The following TNIK variants were observed in gnomAD, a reference collection of about 807,000 sequenced individuals.
The protein encoded by TNIK is TRAF2 and NCK-interacting protein kinase.
Under a neutral mutation model 191.3 loss-of-function variants are expected in TNIK, and 49 were observed. The ratio of observed to expected loss-of-function variants is 0.26; its 90% CI spans 0.20 to 0.32. The LOEUF (loss-of-function observed/expected upper bound fraction) is 0.32. TNIK is among the 10% of genes least tolerant of loss of function. The pLI, the probability that TNIK is intolerant of heterozygous loss-of-function variation, is 1.00. For missense variants in TNIK, 1,155 were observed against 1,702.3 expected, an observed-to-expected ratio of 0.68 and a Z score of 5.66; for synonymous variants, 594 against 600.9, an observed-to-expected ratio of 0.99 and a Z score of 0.17.
Position 171,161,295 on chromosome 3 carries a change from C to G in TNIK, c.991G>C (p.Glu331Gln). 6.2e-7 allele frequency: 1 copy of G among 1,613,396 alleles called. No homozygotes were observed. The highest frequency in any genetic ancestry group is 8.5e-7 in the Non-Finnish European group (1 of 1,179,468). ...YEYSGSEEEE[E>Q]ENDSGEPSSI... ...CTGGGCTCTCCTGAGTCATTCTCCT[C>G]CTCTTCTTCCTCACTTCCACTGTAC... Residue 331 changes from glutamate (E) to glutamine (Q), a missense_variant, in exon 11 of 33, where the codon GAG (glutamate) becomes CAG (glutamine). Glu to Gln is a conservative substitution (Grantham distance 29). Coordinates refer to ENST00000436636, the MANE Select transcript of TNIK (RefSeq NM_015028.4).
At position 171,157,494 on chromosome 3, in the gene TNIK, T is replaced by C. The variant is rs570387939; in HGVS notation, c.1187A>G (p.Glu396Gly). 1 of 1,574,598 alleles carries C rather than the reference T, an allele frequency of 6.4e-7. No individual in the cohort carries two copies. Among genetic ancestry groups the C allele is most frequent in the African/African-American group, 1.4e-5 (1 of 74,000 alleles). Reference protein sequence around the residue: ...QLLAERQKRIEEQKEQRRRLE... With the variant: ...QLLAERQKRIGEQKEQRRRLE... ...CCGCCGCCTCTGCTCTTTCTGCTCC[T>C]CGATGCGCTTCTGACGCTCGGCCAG... The change falls in exon 12 of 33, where the codon GAG (glutamate) becomes GGG (glycine). Residue 396 changes from glutamate (E) to glycine (G), a missense_variant. Physicochemically the swap from Glu to Gly is moderately conservative, Grantham distance 98. This residue lies in a region of TNIK where 735 missense variants were observed against 848.0 expected (regional missense o/e 0.87). Transcript: ENST00000436636.
intron 1 of TNIK, among the ~76,000 whole-genome samples, chr3:171,439,047 GT>G (rs1726405015): frequency 6.6e-6 from 1 of 152,184 alleles, no homozygotes; most frequent in African/African-American, 2.4e-5. Context: ...TACATTTCAT[GT>G]TTTAAAATCG....
intron 2 of TNIK, among the ~76,000 whole-genome samples, chr3:171,339,438 T>C (rs983618756): frequency 6.6e-6 from 1 of 152,198 alleles, no homozygotes; most frequent in African/African-American, 2.4e-5. Context: ...ATCCAGTTCC[T>C]CTAGAACCAG....
chr3:171,242,147 T>C (rs1745068101), intron 2 of TNIK, among the ~76,000 whole-genome samples: 3 of 135,728 alleles, frequency 2.2e-5, no homozygotes, highest in Non-Finnish European at 4.8e-5. Flanking sequence ...ATTTGTACCC[T>C]AGAACTTAAA....
chr3:171,207,424 C>G (rs944566486), intron 4 of TNIK, among the ~76,000 whole-genome samples: 12 of 152,080 alleles, frequency 7.9e-5, no homozygotes, highest in Admixed American at 6.5e-4. Context: ...GTCTCAGACT[C>G]TTGGGCTCAA....
chr3:171,161,391 G>C, intron 10 of TNIK, 55 bp from the exon 11 acceptor site: 1 of 1,515,522 alleles, frequency 6.6e-7, no homozygotes, highest in Non-Finnish European at 9.1e-7. Context: ...GCTCAGTAAA[G>C]CCCAACCCCG....
chr3:171,313,953 A>C, intron 2 of TNIK, among the ~76,000 whole-genome samples: 1 of 152,194 alleles, frequency 6.6e-6, no homozygotes, highest in Non-Finnish European at 1.5e-5. Flanking sequence ...GGGCTAGGGT[A>C]CAAAACAGAG....
chr3:171,283,174 AG>A (rs1343622961), intron 2 of TNIK, among the ~76,000 whole-genome samples: 1 of 150,190 alleles, frequency 6.7e-6, no homozygotes, highest in African/African-American at 2.4e-5. Flanking sequence ...AAAAAAAAAA[AG>A]CCCCTCATGT....
At chr3:171,421,092 A>G (rs889011751) in intron 1 of TNIK, among the ~76,000 whole-genome samples, 9 of 152,220 alleles carry the variant, frequency 5.9e-5, no homozygotes, top group African/African-American at 1.9e-4. Flanking sequence ...TGCTTCCATC[A>G]CTAAGATATG....
intron 18 of TNIK, among the ~76,000 whole-genome samples, chr3:171,118,842 T>G (rs926791572): frequency 1.8e-4 from 28 of 152,172 alleles, no homozygotes; most frequent in East Asian, 5.8e-4. Context: ...AACCCTAGAA[T>G]AAAACCTAGG....
chr3:171,075,257 G>A (rs1371363481), intron 28 of TNIK, among the ~76,000 whole-genome samples: 1 of 152,188 alleles, frequency 6.6e-6, no homozygotes, highest in African/African-American at 2.4e-5. Context: ...AAAGGAAACA[G>A]CTTTGAAATT....
At chr3:171,256,183 TTCA>T (rs1746844538) in intron 2 of TNIK, among the ~76,000 whole-genome samples, 1 of 152,194 alleles carries the variant, frequency 6.6e-6, no homozygotes, top group African/African-American at 2.4e-5. Flanking sequence ...CTTGTTTTTT[TTCA>T]TCAATTATTT....
intron 2 of TNIK, among the ~76,000 whole-genome samples, chr3:171,261,095 G>A (rs895318298): frequency 1.3e-5 from 2 of 152,096 alleles, no homozygotes; most frequent in South Asian, 4.2e-4. Flanking sequence ...AAAGCCTACT[G>A]TGTGGAAGGA....
chr3:171,231,632 C>A (rs917106648), intron 2 of TNIK, among the ~76,000 whole-genome samples: 1 of 152,094 alleles, frequency 6.6e-6, no homozygotes, highest in Non-Finnish European at 1.5e-5. Flanking sequence ...GCATGAGCTG[C>A]CTTTTCTATC....
intron 2 of TNIK, chr3:171,347,365 G>T: frequency 2.7e-6 from 2 of 749,778 alleles, no homozygotes; most frequent in South Asian, 1.9e-5. Context: ...TGCCTGCAGA[G>T]CTGGCCCTCA....
chr3:171,082,085 A>T (rs1023089174), intron 27 of TNIK, among the ~76,000 whole-genome samples, 166 bp downstream of exon 27: 6 of 152,178 alleles, frequency 3.9e-5, no homozygotes, highest in African/African-American at 1.4e-4. Flanking sequence ...TGGAGGTCAG[A>T]ATTCCCAGTG....
At chr3:171,248,310 G>A (rs932211580) in intron 2 of TNIK, among the ~76,000 whole-genome samples, 2 of 152,176 alleles carry the variant, frequency 1.3e-5, no homozygotes, top group Non-Finnish European at 2.9e-5. Context: ...GAAAACAGGA[G>A]AAGGAACTGA....
chr3:171,194,032 T>C (rs1002852816), intron 5 of TNIK, among the ~76,000 whole-genome samples: 2 of 152,218 alleles, frequency 1.3e-5, no homozygotes, highest in Non-Finnish European at 2.9e-5. Context: ...TCGGTTAAAC[T>C]AGGTTGTATG....
intron 2 of TNIK, among the ~76,000 whole-genome samples, chr3:171,249,686 T>C (rs566719884): frequency 6.6e-6 from 1 of 152,356 alleles, no homozygotes; most frequent in East Asian, 1.9e-4. Context: ...ATATTAGCTA[T>C]TACTGTCTTG....
Sources: gnomAD v4.1 joint callset for allele counts (sites outside exome capture counted in the v4.1 genomes callset) on GRCh38, gnomAD v4.1.1 for gene constraint, gnomAD v4.1.1 regional missense constraint, MANE v1.5 for transcripts, NCBI Gene and HGNC (gene_info 2026-07-23, HGNC 2026-07-21) for gene names.